CDH6: variants seen among roughly 807,000 people sequenced by gnomAD.
CDH6 encodes cadherin 6.
Under a neutral mutation model 78.0 loss-of-function variants are expected in CDH6, and 31 were observed. That is an observed-to-expected ratio of 0.40 (90% confidence interval 0.30 to 0.54). CDH6 has a LOEUF of 0.54. Ranked by LOEUF, CDH6 falls within the 20% of genes least tolerant of loss-of-function variation. CDH6 has a pLI of 0.56. For synonymous variants in CDH6, 376 were observed against 368.8 expected (o/e 1.02, Z -0.23); for missense variants, 724 against 975.9 (o/e 0.74, Z 3.44).
At chr5:31,317,525 C>G in intron 10 of CDH6, 33 bp downstream of exon 10, 4 of 1,524,914 alleles carry the variant, frequency 2.6e-6, no homozygotes, top group Non-Finnish European at 3.6e-6. Context: ...CTCTATCTAT[C>G]TCCATCTATA....
In CDH6 at chr5:31,260,933, A is replaced by T. The variant is rs76319289; in HGVS notation, c.-128-6413A>T. On this transcript the variant is annotated intron_variant, in intron 1 of 11. Transcript: ENST00000265071. The stretch of plus-strand genomic sequence containing the variant: ...CTTTTAAATTGGTTCTATCCTTATG[A>T]TACCACTTCTAGAAGATCAGCCATG... Among the ~76,000 whole-genome samples the T allele has an allele frequency of 4.5e-3, 684 of 152,312 alleles. 11 individuals carry two copies. The South Asian group carries it at 0.054, about 12-fold the overall frequency.
At chr5:31,312,698 C>G (rs929913091) in intron 7 of CDH6, among the ~76,000 whole-genome samples, 1 of 132,018 alleles carries the variant, frequency 7.6e-6, no homozygotes, top group African/African-American at 2.6e-5. Flanking sequence ...GACCCCATCT[C>G]AAAACAAACA....
At chr5:31,206,737 T>C (rs1740532588) in intron 1 of CDH6, among the ~76,000 whole-genome samples, 1 of 152,190 alleles carries the variant, frequency 6.6e-6, no homozygotes, top group Non-Finnish European at 1.5e-5. Context: ...AATAGGATAT[T>C]CAGAATTGAT....
chr5:31,199,451 CAT>C (rs1340254419), intron 1 of CDH6, among the ~76,000 whole-genome samples: 8 of 26,698 alleles, frequency 3.0e-4, no homozygotes, highest in East Asian at 2.0e-3. Context: ...TATACACACA[CAT>C]ATGTGTATAT....
intron 1 of CDH6, among the ~76,000 whole-genome samples, chr5:31,206,211 T>C (rs559281580): frequency 4.6e-5 from 7 of 152,036 alleles, no homozygotes; most frequent in South Asian, 2.1e-4. Flanking sequence ...ACATAGAAAA[T>C]AGACAGGATA....
At chr5:31,245,374 T>C (rs1741715841) in intron 1 of CDH6, among the ~76,000 whole-genome samples, 1 of 152,164 alleles carries the variant, frequency 6.6e-6, no homozygotes, top group Non-Finnish European at 1.5e-5. Context: ...CTTATTCTTC[T>C]TCTCTTTCTT....
At chr5:31,252,822 T>C (rs1741946086) in intron 1 of CDH6, among the ~76,000 whole-genome samples, 1 of 152,172 alleles carries the variant, frequency 6.6e-6, no homozygotes, top group African/African-American at 2.4e-5. Flanking sequence ...TTACTGATAT[T>C]AACTGACTCA....
intron 9 of CDH6, among the ~76,000 whole-genome samples, chr5:31,316,827 G>A (rs575181133): frequency 1.6e-3 from 240 of 152,310 alleles, no homozygotes; most frequent in African/African-American, 5.1e-3. Context: ...GAAGTACACT[G>A]TTAAAGTACA....
At chr5:31,197,661 C>T (rs1740206865) in intron 1 of CDH6, among the ~76,000 whole-genome samples, 1 of 152,156 alleles carries the variant, frequency 6.6e-6, no homozygotes, top group Non-Finnish European at 1.5e-5. Flanking sequence ...CACACACACG[C>T]AAACACAGCA....
At position 31,325,535 on chromosome 5, in the gene CDH6, T is replaced by C. The variant is rs1482539605; in HGVS notation, c.*2227T>C. On this transcript the variant is annotated 3_prime_UTR_variant, in exon 12 of 12. Coordinates refer to ENST00000265071, the MANE Select transcript of CDH6 (RefSeq NM_004932.4). ...AAGAGGTCTCTATCTGTATGTTTCA[T>C]GTCACGTAACAAATTGAATCAAGGA... 2 of 231,018 alleles carry C rather than the reference T, an allele frequency of 8.7e-6. No homozygotes were observed. The highest frequency in any genetic ancestry group is 1.7e-5 in the Non-Finnish European group (2 of 116,788). The allele number at this position is 231,018 out of a possible 1,614,324, so 14.3% of individuals were successfully genotyped here. A position where few individuals can be genotyped will look rare whatever the true frequency, so the allele number is the denominator to read the frequency against.
chr5:31,313,167 G>C, intron 7 of CDH6, 151 bp from the exon 8 acceptor site: 1 of 549,924 alleles, frequency 1.8e-6, no homozygotes, highest in Non-Finnish European at 3.2e-6. Flanking sequence ...ATGTCAGGTT[G>C]TAGATATTCA....
At chr5:31,243,029 A>T (rs1211198805) in intron 1 of CDH6, among the ~76,000 whole-genome samples, 1 of 152,128 alleles carries the variant, frequency 6.6e-6, no homozygotes, top group Non-Finnish European at 1.5e-5. Context: ...ACCTGTTTTG[A>T]ATCAACCAAC....
chr5:31,319,796 A>G (rs1422330742), intron 11 of CDH6, among the ~76,000 whole-genome samples: 1 of 152,256 alleles, frequency 6.6e-6, no homozygotes, highest in African/African-American at 2.4e-5. Context: ...AAATAAAACA[A>G]CAGTAAAAAC....
chr5:31,280,434 C>T (rs535417424), intron 2 of CDH6, among the ~76,000 whole-genome samples: 9 of 152,248 alleles, frequency 5.9e-5, no homozygotes, highest in African/African-American at 1.9e-4. Flanking sequence ...ATTCCTTTTG[C>T]GTGTAAGCAA....
intron 7 of CDH6, among the ~76,000 whole-genome samples, chr5:31,308,651 T>A (rs1738062363): frequency 6.6e-6 from 1 of 152,152 alleles, no homozygotes; most frequent in Non-Finnish European, 1.5e-5. Context: ...TTTCTATTAA[T>A]TTTTAAATGT....
At chr5:31,252,846 G>A (rs1320522803) in intron 1 of CDH6, among the ~76,000 whole-genome samples, 1 of 151,772 alleles carries the variant, frequency 6.6e-6, no homozygotes, top group Non-Finnish European at 1.5e-5. Flanking sequence ...ACAGTAAATT[G>A]TTACATGTGC....
In CDH6 at chr5:31,254,056, G is replaced by A. The variant is rs113601771; in HGVS notation, c.-128-13290G>A. ...TAAGCTGCACACTGTTCTGGACAGC[G>A]TGGTGAAATCTTGCCCCCTCCCACA... On this transcript the variant is annotated intron_variant, in intron 1 of 11. Transcript: ENST00000265071. Among the ~76,000 whole-genome samples the A allele has an allele frequency of 3.2e-3, 485 of 152,276 alleles. 3 individuals carry two copies. Among genetic ancestry groups the A allele is most frequent in the African/African-American group, 0.01 (430 of 41,552 alleles).
At chr5:31,208,882 T>C (rs1740613509) in intron 1 of CDH6, among the ~76,000 whole-genome samples, 1 of 152,234 alleles carries the variant, frequency 6.6e-6, no homozygotes, top group Non-Finnish European at 1.5e-5. Flanking sequence ...CTGAATTAAA[T>C]TCAACTGATT....
At position 31,227,049 on chromosome 5, in the gene CDH6, A is replaced by C. The variant is rs546332545; in HGVS notation, c.-129+33163A>C. 1.5e-3 allele frequency among the ~76,000 whole-genome samples: 223 copies of C among 152,250 alleles called. 1 individual carries two copies. Among genetic ancestry groups the C allele is most frequent in the African/African-American group, 5.2e-3 (218 of 41,540 alleles). On this transcript the variant is annotated intron_variant, in intron 1 of 11. Transcript: ENST00000265071. ...TGCTCAGCTTCTCCTAGCACCACAC[A>C]TCGGGTTACAGCAGACACACTCCTC...
Sources: allele counts gnomAD v4.1 joint callset (sites outside exome capture counted in the v4.1 genomes callset), GRCh38; gene constraint gnomAD v4.1.1; transcripts MANE v1.5; gene names NCBI Gene and HGNC (gene_info 2026-07-23, HGNC 2026-07-21).